Variants in MAST4 observed in about 807,000 individuals in gnomAD.
MAST4 encodes microtubule-associated serine/threonine-protein kinase 4.
MAST4 carries 89 observed loss-of-function variants against 162.7 expected under a neutral mutation model. The ratio of observed to expected loss-of-function variants is 0.55; its 90% CI spans 0.46 to 0.65. The LOEUF (loss-of-function observed/expected upper bound fraction) is 0.65, where lower values mean the gene tolerates loss of function less well. Ranked by LOEUF, MAST4 falls within the 30% of genes least tolerant of loss-of-function variation. MAST4 has a pLI of 0.00. For synonymous variants in MAST4, 1,479 were observed against 1,361.1 expected (o/e 1.09, Z -1.91); for missense variants, 3,153 against 3,374.0 (o/e 0.93, Z 1.62).
At chr5:66,615,686 G>T (rs1282840212) in intron 1 of MAST4, among the ~76,000 whole-genome samples, 3 of 152,000 alleles carry the variant, frequency 2.0e-5, no homozygotes, top group Non-Finnish European at 4.4e-5. Context: ...GGTGGTGCAT[G>T]CCTGTAGTCC....
intron 4 of MAST4, among the ~76,000 whole-genome samples, chr5:67,007,632 T>C (rs760647844): frequency 6.6e-5 from 10 of 152,238 alleles, no homozygotes; most frequent in Non-Finnish European, 1.3e-4. Context: ...ATGAGCATCT[T>C]AGAACTCATA....
At chr5:66,608,894 G>T (rs1436166534) in intron 1 of MAST4, among the ~76,000 whole-genome samples, 1 of 152,024 alleles carries the variant, frequency 6.6e-6, no homozygotes, top group African/African-American at 2.4e-5. Flanking sequence ...GTCTGACCTA[G>T]GACTGTCCTT....
chr5:66,808,365 G>C (rs1370873378), intron 3 of MAST4, among the ~76,000 whole-genome samples: 1 of 152,164 alleles, frequency 6.6e-6, no homozygotes, highest in African/African-American at 2.4e-5. Context: ...GCGAAGCTCT[G>C]TTCTGGTTTT....
At chr5:66,795,057 G>A (rs1043535634) in intron 3 of MAST4, among the ~76,000 whole-genome samples, 3 of 152,120 alleles carry the variant, frequency 2.0e-5, no homozygotes, top group Admixed American at 6.5e-5. Context: ...CAGTCATTTA[G>A]TATTATATCA....
At chr5:67,155,010 A>G (rs989654702) in intron 26 of MAST4, among the ~76,000 whole-genome samples, 1 of 152,220 alleles carries the variant, frequency 6.6e-6, no homozygotes, top group African/African-American at 2.4e-5. Flanking sequence ...TATACTTGCA[A>G]AGGACTTTAC....
chr5:66,648,732 G>A (rs762934797), intron 1 of MAST4, among the ~76,000 whole-genome samples: 1 of 152,026 alleles, frequency 6.6e-6, no homozygotes, highest in Non-Finnish European at 1.5e-5. Flanking sequence ...TTCAATATTT[G>A]AATTGTCATC....
At chr5:66,747,812 A>G (rs4699892) in intron 1 of MAST4, among the ~76,000 whole-genome samples, 18,338 of 152,272 alleles carry the variant, frequency 0.12, 1,289 homozygotes, top group Admixed American at 0.17. Context: ...CAGGAAATTC[A>G]GTTAGCCTCC....
Position 67,050,095 on chromosome 5 carries a change from G to A in MAST4, c.675-4309G>A, listed in dbSNP as rs543230547. Among the ~76,000 whole-genome samples the A allele has an allele frequency of 2.0e-5, 3 of 152,288 alleles. No individual in the cohort carries two copies. In the South Asian group the frequency reaches 6.2e-4, roughly 32 times the overall value. The stretch of plus-strand genomic sequence containing the variant: ...TTTCCCACCTGCCTCCAGCTTAGTA[G>A]CCCATAGTCCTCTTTGTCCCTCACA... On this transcript the variant is annotated intron_variant, in intron 4 of 28. Coordinates refer to ENST00000403625, the MANE Select transcript of MAST4 (RefSeq NM_001164664.2).
chr5:67,005,895 C>T (rs140186520), intron 4 of MAST4, among the ~76,000 whole-genome samples: 24 of 152,292 alleles, frequency 1.6e-4, no homozygotes, highest in African/African-American at 5.8e-4. Flanking sequence ...CAAAACTTGC[C>T]TTGCATGTAC....
At chr5:67,121,839 G>C (rs1313163904) in intron 14 of MAST4, among the ~76,000 whole-genome samples, 1 of 151,952 alleles carries the variant, frequency 6.6e-6, no homozygotes, top group Non-Finnish European at 1.5e-5. Context: ...TATTACACCA[G>C]GATTTTGTTT....
chr5:66,746,518 G>C (rs1752768132), intron 1 of MAST4, among the ~76,000 whole-genome samples: 1 of 152,186 alleles, frequency 6.6e-6, no homozygotes, highest in Non-Finnish European at 1.5e-5. Flanking sequence ...CTGCCTAGTA[G>C]GGAGTCTACT....
intron 1 of MAST4, among the ~76,000 whole-genome samples, chr5:66,731,704 T>G (rs932858823): frequency 6.6e-6 from 1 of 152,032 alleles, no homozygotes; most frequent in African/African-American, 2.4e-5. Context: ...CACTCTCATT[T>G]CTCTTGTGGT....
In MAST4 at chr5:67,150,750, A is replaced by G. The variant is rs13359942; in HGVS notation, c.3295+1161A>G. ...TTGGGATCTATGTGTGTCCACAGTG[A>G]CCTCCTCCCACCTGCATGTCTTGAA... On this transcript the variant is annotated intron_variant, in intron 24 of 28. Coordinates refer to ENST00000403625, the MANE Select transcript of MAST4 (RefSeq NM_001164664.2). 5.3e-3 allele frequency among the ~76,000 whole-genome samples: 810 copies of G among 151,860 alleles called. 7 individuals are homozygous for G. Among genetic ancestry groups the G allele is most frequent in the African/African-American group, 0.019 (775 of 41,382 alleles).
At chr5:67,069,911 TG>T (rs1760737655) in intron 5 of MAST4, among the ~76,000 whole-genome samples, 1 of 151,646 alleles carries the variant, frequency 6.6e-6, no homozygotes, top group Non-Finnish European at 1.5e-5. Context: ...TGTGTGTGTG[TG>T]TGTGTGTTCC....
At chr5:66,754,417 T>G (rs1054919388) in intron 1 of MAST4, among the ~76,000 whole-genome samples, 2 of 152,234 alleles carry the variant, frequency 1.3e-5, no homozygotes, top group African/African-American at 4.8e-5. Flanking sequence ...TTTCCACACA[T>G]GAAGTGTTCA....
intron 14 of MAST4, among the ~76,000 whole-genome samples, chr5:67,122,496 T>C (rs1767704636): frequency 6.6e-6 from 1 of 152,228 alleles, no homozygotes; most frequent in Non-Finnish European, 1.5e-5. Context: ...GAAACTTTTC[T>C]ACCTAGGAAG....
intron 1 of MAST4, among the ~76,000 whole-genome samples, chr5:66,725,120 A>G (rs1209336782): frequency 2.0e-5 from 3 of 151,724 alleles, no homozygotes; most frequent in African/African-American, 4.8e-5. Flanking sequence ...ATTTCTGCCA[A>G]TTTTGTTCAA....
intron 1 of MAST4, among the ~76,000 whole-genome samples, chr5:66,616,336 A>G (rs1164182511): frequency 6.6e-6 from 1 of 152,048 alleles, no homozygotes; most frequent in African/African-American, 2.4e-5. Flanking sequence ...CAGAGAAGAG[A>G]TGTTTTAAAT....
chr5:66,756,192 C>A (rs1753526268), intron 1 of MAST4, among the ~76,000 whole-genome samples: 2 of 152,284 alleles, frequency 1.3e-5, no homozygotes, highest in Non-Finnish European at 1.5e-5. Context: ...TTAAAGGAAT[C>A]CTTCCAAATT....
Sources: gnomAD v4.1 joint callset for allele counts (sites outside exome capture counted in the v4.1 genomes callset) on GRCh38, gnomAD v4.1.1 for gene constraint, MANE v1.5 for transcripts, NCBI Gene and HGNC (gene_info 2026-07-23, HGNC 2026-07-21) for gene names.